The following CLDN2 variants were observed in gnomAD, a reference collection of about 807,000 sequenced individuals.
The protein encoded by CLDN2 is claudin 2.
A neutral mutation model predicts 8.2 loss-of-function variants in CLDN2; 1 was observed. The ratio of observed to expected loss-of-function variants is 0.12; its 90% confidence interval spans 0.04 to 0.58. The LOEUF is 0.58. Among genes scored for constraint, CLDN2 ranks in the 20% least tolerant of loss-of-function variants. The pLI is 0.90. For synonymous variants in CLDN2, 70 were observed against 70.2 expected (o/e 1.00, Z 0.01); for missense variants, 108 against 172.9 (o/e 0.62, Z 2.11).
intron 1 of CLDN2, chrX:106,901,603 T>C (rs1337899948): frequency 9.3e-7 from 1 of 1,075,822 alleles, no homozygotes; most frequent in Non-Finnish European, 1.3e-6. Context: ...TCCTCTGTAC[T>C]AGAGGTCAGA....
At chrX:106,911,235 T>C (rs1352152178) in intron 1 of CLDN2, among the ~76,000 whole-genome samples, 3 of 111,859 alleles carry the variant, frequency 2.7e-5, no homozygotes, top group African/African-American at 9.8e-5. Context: ...AAATACTGTA[T>C]GGAAACTGGT....
intron 1 of CLDN2, among the ~76,000 whole-genome samples, chrX:106,925,424 T>G (rs2147794424): frequency 8.9e-6 from 1 of 112,496 alleles, no homozygotes; most frequent in African/African-American, 3.2e-5. Flanking sequence ...GTTCTATTTC[T>G]ATTTGGGAGC....
chrX:106,911,057 T>A (rs1933242090), intron 1 of CLDN2, among the ~76,000 whole-genome samples: 1 of 112,130 alleles, frequency 8.9e-6, no homozygotes, highest in Non-Finnish European at 1.9e-5. Context: ...ATTGCATACA[T>A]TGTGGCTATT....
chrX:106,925,890 C>A (rs1933458717), intron 1 of CLDN2, among the ~76,000 whole-genome samples: 1 of 111,836 alleles, frequency 8.9e-6, no homozygotes, highest in Non-Finnish European at 1.9e-5. Flanking sequence ...CCTGTAGTCC[C>A]AGCTACTCAG....
chrX:106,905,955 A>C (rs1398118261), intron 1 of CLDN2, among the ~76,000 whole-genome samples: 2 of 111,532 alleles, frequency 1.8e-5, no homozygotes, highest in Non-Finnish European at 3.8e-5. Context: ...CTCCCTACGC[A>C]ATGGCTCTGT....
At chrX:106,907,143 C>T (rs1269223983) in intron 1 of CLDN2, among the ~76,000 whole-genome samples, 2 of 111,539 alleles carry the variant, frequency 1.8e-5, no homozygotes, top group Admixed American at 1.9e-4. Flanking sequence ...CTCTGGGTGG[C>T]AAAAGACACT....
At chrX:106,926,790 C>CTTGAGCCCAGGAGGTCG (rs1569289853) in intron 1 of CLDN2, among the ~76,000 whole-genome samples, 2 of 39,409 alleles carry the variant, frequency 5.1e-5, no homozygotes, top group African/African-American at 1.2e-4. Context: ...AGGAGGATCA[C>CTTGAGCCCAGGAGGTCG]ACACACACAC....
At chrX:106,908,806 A>G (rs770581825) in intron 1 of CLDN2, among the ~76,000 whole-genome samples, 3 of 111,118 alleles carry the variant, frequency 2.7e-5, no homozygotes, top group Non-Finnish European at 3.8e-5. Flanking sequence ...TTGTGTATCA[A>G]ATGAATACAC....
chrX:106,908,901 A>G (rs754546633), intron 1 of CLDN2, among the ~76,000 whole-genome samples: 1 of 111,991 alleles, frequency 8.9e-6, no homozygotes, highest in Admixed American at 9.4e-5. Context: ...AGCACTAAGG[A>G]GATTAGCGCA....
chrX:106,901,612 G>C (rs749040159), intron 1 of CLDN2: 3 of 1,024,370 alleles, frequency 2.9e-6, no homozygotes, highest in Non-Finnish European at 4.1e-6. Flanking sequence ...CTAGAGGTCA[G>C]AAAGCTGCAG....
chrX:106,902,285 G>A, intron 1 of CLDN2: 1 of 940,923 alleles, frequency 1.1e-6, no homozygotes, highest in East Asian at 3.4e-5. Context: ...GATAACAAGA[G>A]ACCTCCCAAA....
intron 1 of CLDN2, among the ~76,000 whole-genome samples, chrX:106,925,255 A>T (rs1017401126): frequency 1.9e-4 from 21 of 112,005 alleles, no homozygotes; most frequent in African/African-American, 6.5e-4. Flanking sequence ...TGCTATTATT[A>T]TTATTACTAT....
Position 106,928,424 on chromosome X carries a change from A to G in CLDN2, c.196A>G (p.Ile66Val), listed in dbSNP as rs752232715. Residue 66 changes from isoleucine (I) to valine (V), a missense_variant, in exon 2 of 2, where the codon ATC (isoleucine) becomes GTC (valine). Transcript: ENST00000336803. The part of the protein sequence containing the change: ...THSTGITQCD[I>V]YSTLLGLPAD... ...CAGCACAGGCATCACCCAGTGTGAC[A>G]TCTATAGCACCCTTCTGGGCCTGCC... The G allele has an allele frequency of 8.3e-7, 1 of 1,212,016 alleles. No homozygotes were observed.
At chrX:106,901,817 A>G (rs754794709) in intron 1 of CLDN2, among the ~76,000 whole-genome samples, 1 of 111,476 alleles carries the variant, frequency 9.0e-6, no homozygotes, top group Non-Finnish European at 1.9e-5. Flanking sequence ...TGGAGCAGCA[A>G]AGATTCAGGG....
upstream of CLDN2, among the ~76,000 whole-genome samples, chrX:106,914,357 A>C (rs1441248868): frequency 9.0e-6 from 1 of 110,705 alleles, no homozygotes; most frequent in African/African-American, 3.3e-5. Context: ...CATCAGAAAC[A>C]CTCCCAAAAG....
intron 1 of CLDN2, among the ~76,000 whole-genome samples, chrX:106,927,075 C>G: frequency 9.0e-6 from 1 of 111,372 alleles, no homozygotes; most frequent in Non-Finnish European, 1.9e-5. Flanking sequence ...AAAGTGAGAA[C>G]CTGTCTCAAA....
intron 1 of CLDN2, among the ~76,000 whole-genome samples, chrX:106,923,394 T>C (rs1933421565): frequency 8.9e-6 from 1 of 112,023 alleles, no homozygotes; most frequent in Non-Finnish European, 1.9e-5. Flanking sequence ...GGGGCAGAAG[T>C]GGAATTAGAG....
chrX:106,927,218 G>C (rs1386494791), intron 1 of CLDN2, among the ~76,000 whole-genome samples: 1 of 111,363 alleles, frequency 9.0e-6, no homozygotes, highest in Non-Finnish European at 1.9e-5. Flanking sequence ...ATGGCTCTGA[G>C]ATTCCAAAGC....
At chrX:106,921,987 T>G (rs1456701329) in intron 1 of CLDN2, among the ~76,000 whole-genome samples, 1 of 112,517 alleles carries the variant, frequency 8.9e-6, no homozygotes, top group Admixed American at 9.4e-5. Context: ...AGTGGCTTCC[T>G]GTCCCCATGC....
Sources: allele counts gnomAD v4.1 joint callset (sites outside exome capture counted in the v4.1 genomes callset), GRCh38; gene constraint gnomAD v4.1.1; transcripts MANE v1.5; gene names NCBI Gene and HGNC (gene_info 2026-07-23, HGNC 2026-07-21).